STARD3: variants seen among roughly 807,000 people sequenced by gnomAD.
STARD3 encodes StAR related lipid transfer domain containing 3.
STARD3 carries 39 observed loss-of-function variants against 62.0 expected under a neutral mutation model. That is an observed-to-expected ratio of 0.63 (90% confidence interval 0.49 to 0.82). STARD3 has a LOEUF of 0.82. Ranked by LOEUF, STARD3 falls within the 40% of genes least tolerant of loss-of-function variation. The probability of loss-of-function intolerance (pLI) is 0.00; values close to 1 mark genes in which losing one functional copy is unlikely to be tolerated. For missense variants in STARD3, 543 were observed against 584.5 expected (o/e 0.93, Z 0.73); for synonymous variants, 229 against 242.4 (o/e 0.94, Z 0.51).
intron 1 of STARD3, among the ~76,000 whole-genome samples, chr17:39,651,148 G>A (rs890647498): frequency 2.6e-5 from 4 of 152,212 alleles, no homozygotes; most frequent in Admixed American, 1.3e-4. Flanking sequence ...TCAGAGTGTG[G>A]TGTTGGGAGT....
chr17:39,648,304 T>TA (rs959050485), intron 1 of STARD3, among the ~76,000 whole-genome samples: 14 of 148,980 alleles, frequency 9.4e-5, no homozygotes, highest in African/African-American at 3.5e-4. Flanking sequence ...TAATAAAAAA[T>TA]AAAAAAATAA....
chr17:39,655,094 C>T (rs941551012), intron 2 of STARD3, among the ~76,000 whole-genome samples: 1 of 152,254 alleles, frequency 6.6e-6, no homozygotes, highest in Non-Finnish European at 1.5e-5. Context: ...TCCCATCCAA[C>T]ATCAAAGCAA....
At position 39,660,569 on chromosome 17, in the gene STARD3, C is replaced by G; in HGVS notation, c.954+43C>G. On this transcript the variant is annotated intron_variant, in intron 11 of 14. Transcript: ENST00000336308. The surrounding 1 kb of genome is among the most constrained non-coding windows in gnomAD (Gnocchi z 4.8). The stretch of plus-strand genomic sequence containing the variant: ...GCCTCTTAAGGCACAGATGGGGGCA[C>G]AGCCACGCCTCAGTGGGATCACTGA... 3.8e-6 allele frequency: 6 copies of G among 1,598,520 alleles called. No individual in the cohort carries two copies. The highest frequency in any genetic ancestry group is 4.3e-6 in the Non-Finnish European group (5 of 1,166,580).
At chr17:39,654,772 C>T (rs1271090655) in intron 2 of STARD3, among the ~76,000 whole-genome samples, 2 of 152,262 alleles carry the variant, frequency 1.3e-5, no homozygotes, top group African/African-American at 4.8e-5. Flanking sequence ...TGGCAAGGGC[C>T]CTTCCTCCAG....
chr17:39,661,613 G>A (rs1000596874), intron 13 of STARD3, among the ~76,000 whole-genome samples: 2 of 152,174 alleles, frequency 1.3e-5, no homozygotes, highest in African/African-American at 4.8e-5. Context: ...AGGCTGTGGT[G>A]CTGCGGGTGG....
intron 1 of STARD3, among the ~76,000 whole-genome samples, chr17:39,641,834 C>T (rs888456099): frequency 4.6e-5 from 7 of 152,208 alleles, no homozygotes; most frequent in African/African-American, 1.7e-4. Flanking sequence ...ACCCTTTTCC[C>T]TGTTCCAGGG....
At chr17:39,647,428 C>T (rs929529818) in intron 1 of STARD3, among the ~76,000 whole-genome samples, 1 of 152,116 alleles carries the variant, frequency 6.6e-6, no homozygotes, top group Admixed American at 6.6e-5. Flanking sequence ...GGTGCTGCTC[C>T]CAGGGGGCTG....
chr17:39,650,435 A>C (rs1195938990), intron 1 of STARD3, among the ~76,000 whole-genome samples: 1 of 152,228 alleles, frequency 6.6e-6, no homozygotes, highest in Non-Finnish European at 1.5e-5. Flanking sequence ...GTGAGATGAT[A>C]AATGTCCATG....
chr17:39,662,324 ATTC>A lies in STARD3; in HGVS notation c.1216_1218del (p.Leu406del). 1 of 1,613,742 alleles carries A rather than the reference ATTC, an allele frequency of 6.2e-7. No homozygotes were observed. Among genetic ancestry groups the A allele is most frequent in the East Asian group, 2.2e-5 (1 of 44,856 alleles). On this transcript the variant is annotated inframe_deletion, in exon 14 of 15. Transcript: ENST00000336308. ...CCCCCGTGTTTGCACCTTTGTCTGG[ATTC>A]TTAATACAGATCTCAAGGTGGGGTG...
At position 39,663,016 on chromosome 17, in the gene STARD3, T is replaced by G. The variant is rs757526026; in HGVS notation, c.*108T>G. 9.7e-6 allele frequency: 11 copies of G among 1,131,678 alleles called. No homozygotes were observed. The highest frequency in any genetic ancestry group is 1.2e-5 in the Non-Finnish European group (10 of 809,608). 70.1% of individuals were successfully genotyped at this position (1,131,678 alleles called of 1,614,324 possible). On this transcript the variant is annotated 3_prime_UTR_variant, in exon 15 of 15. Coordinates refer to ENST00000336308, the MANE Select transcript of STARD3 (RefSeq NM_006804.4). ...GCCCACATGGGACCTGGCCCCAGGC[T>G]GTCACCCTCCACCGAGCCACGCAGT...
chr17:39,648,219 G>A (rs1392218493), intron 1 of STARD3, among the ~76,000 whole-genome samples: 2 of 152,066 alleles, frequency 1.3e-5, no homozygotes, highest in African/African-American at 2.4e-5. Context: ...CCCAGGAGGC[G>A]GAGCTTGCAG....
At chr17:39,655,136 T>C (rs1567858548) in intron 2 of STARD3, among the ~76,000 whole-genome samples, 1 of 152,380 alleles carries the variant, frequency 6.6e-6, no homozygotes, top group Middle Eastern at 3.4e-3. Context: ...CTTCATTGAA[T>C]ACTTGTTTCC....
At chr17:39,652,128 C>T (rs1310765989) in intron 1 of STARD3, among the ~76,000 whole-genome samples, 1 of 152,122 alleles carries the variant, frequency 6.6e-6, no homozygotes. Context: ...CCTGAGTGGA[C>T]GTGAACGTGG....
At chr17:39,651,101 T>A (rs1228785998) in intron 1 of STARD3, among the ~76,000 whole-genome samples, 1 of 152,226 alleles carries the variant, frequency 6.6e-6, no homozygotes, top group African/African-American at 2.4e-5. Flanking sequence ...GAGCCCAGCT[T>A]TTCCGTAGCA....
chr17:39,646,010 G>A (rs893414818), intron 1 of STARD3, among the ~76,000 whole-genome samples: 1 of 138,466 alleles, frequency 7.2e-6, no homozygotes, highest in African/African-American at 2.7e-5. Context: ...TCCCACCTCA[G>A]CCTCCCAAGT....
intron 1 of STARD3, among the ~76,000 whole-genome samples, chr17:39,642,058 C>T (rs1274010354): frequency 1.3e-5 from 2 of 152,194 alleles, no homozygotes; most frequent in African/African-American, 2.4e-5. Context: ...GTCTCTGAAG[C>T]GCCAGAGTTC....
rs2057183267 is a variant in STARD3, at chr17:39,660,414, C to G, written c.859-17C>G. On this transcript the variant is annotated splice_polypyrimidine_tract_variant and intron_variant, in intron 10 of 14. Coordinates refer to ENST00000336308, the MANE Select transcript of STARD3 (RefSeq NM_006804.4). This position sits in a 1 kb window ranked among gnomAD's most constrained non-coding sequence, Gnocchi z 4.8. ...AGCCCATCTGGCACCACCCAGCCCT[C>G]TGCCGCCCTGTCCCAGACCTTCCTG... 1 of 1,613,580 alleles carries G rather than the reference C, an allele frequency of 6.2e-7. No individual in the cohort carries two copies. The highest frequency in any genetic ancestry group is 1.1e-5 in the South Asian group (1 of 91,084).
chr17:39,656,317 C>T (rs898478248), intron 2 of STARD3, among the ~76,000 whole-genome samples: 3 of 152,126 alleles, frequency 2.0e-5, no homozygotes, highest in Admixed American at 1.3e-4. Flanking sequence ...AGCCTAGGCC[C>T]GTCACCCCCG....
chr17:39,643,448 G>A (rs1392789578), intron 1 of STARD3, among the ~76,000 whole-genome samples: 2 of 152,180 alleles, frequency 1.3e-5, no homozygotes, highest in East Asian at 3.8e-4. Context: ...CTTCTGGGAA[G>A]GGGTGTGATG....
Sources: gnomAD v4.1 joint callset for allele counts (sites outside exome capture counted in the v4.1 genomes callset) on GRCh38, gnomAD v4.1.1 for gene constraint, Gnocchi (gnomAD v3.1) non-coding constraint, MANE v1.5 for transcripts, NCBI Gene and HGNC (gene_info 2026-07-23, HGNC 2026-07-21) for gene names.